PRLR: variants seen among roughly 807,000 people sequenced by gnomAD.
The protein encoded by PRLR is prolactin receptor.
Under a neutral mutation model 40.2 loss-of-function variants are expected in PRLR, and 13 were observed. The observed-to-expected ratio is 0.32, with a 90% confidence interval of 0.21 to 0.51. PRLR has a LOEUF of 0.51. PRLR is among the 20% of genes least tolerant of loss of function. The pLI, the probability that PRLR is intolerant of heterozygous loss-of-function variation, is 0.97. For synonymous variants in PRLR, 269 were observed against 278.7 expected, an observed-to-expected ratio of 0.97 and a Z score of 0.35; for missense variants, 656 against 747.3, an observed-to-expected ratio of 0.88 and a Z score of 1.42.
chr5:35,079,154 G>A (rs925345988), intron 5 of PRLR, among the ~76,000 whole-genome samples: 11 of 152,168 alleles, frequency 7.2e-5, no homozygotes, highest in Non-Finnish European at 1.2e-4. Flanking sequence ...TCACAAGACA[G>A]GGATGCCATC....
At chr5:35,120,604 G>A (rs751619361) in intron 1 of PRLR, among the ~76,000 whole-genome samples, 4 of 152,182 alleles carry the variant, frequency 2.6e-5, no homozygotes, top group Non-Finnish European at 5.9e-5. Flanking sequence ...ATAACTCACA[G>A]ATTTCATCTT....
chr5:35,089,445 G>A (rs563136854), intron 3 of PRLR, 106 bp downstream of exon 3: 2 of 793,994 alleles, frequency 2.5e-6, no homozygotes, highest in East Asian at 5.0e-5. Context: ...ACATAACACA[G>A]CATTTTCATT....
intron 1 of PRLR, among the ~76,000 whole-genome samples, chr5:35,208,596 T>C (rs1367924762): frequency 6.6e-6 from 1 of 151,892 alleles, no homozygotes; most frequent in African/African-American, 2.4e-5. Context: ...ATGAAAAAAA[T>C]GAACAAACTT....
At chr5:35,221,597 T>C (rs1466055829) in intron 1 of PRLR, among the ~76,000 whole-genome samples, 1 of 152,220 alleles carries the variant, frequency 6.6e-6, no homozygotes, top group Non-Finnish European at 1.5e-5. Flanking sequence ...TGACCAGTAG[T>C]AGCTCTTAGC....
At chr5:35,189,113 A>G (rs7720754) in intron 1 of PRLR, among the ~76,000 whole-genome samples, 136,660 of 152,152 alleles carry the variant, frequency 0.9, 62,205 homozygotes, top group African/African-American at 0.97. Context: ...AGCACCACAC[A>G]ACGATGAAAG....
chr5:35,090,382 A>G (rs141950774), intron 2 of PRLR, among the ~76,000 whole-genome samples: 3 of 152,178 alleles, frequency 2.0e-5, no homozygotes, highest in Non-Finnish European at 4.4e-5. Flanking sequence ...TATTAATACT[A>G]ATATTATTAC....
At chr5:35,203,364 C>T (rs1047768309) in intron 1 of PRLR, among the ~76,000 whole-genome samples, 2 of 152,128 alleles carry the variant, frequency 1.3e-5, no homozygotes, top group Non-Finnish European at 2.9e-5. Context: ...ATGTCTTGCT[C>T]AGCAGAACAT....
intron 1 of PRLR, among the ~76,000 whole-genome samples, chr5:35,131,866 T>A (rs1174606315): frequency 1.3e-5 from 2 of 152,172 alleles, no homozygotes; most frequent in Non-Finnish European, 2.9e-5. Context: ...ACTGCTATGA[T>A]GTCTTGTTAT....
intron 5 of PRLR, among the ~76,000 whole-genome samples, chr5:35,077,877 A>T (rs1464701756): frequency 2.0e-5 from 3 of 152,200 alleles, no homozygotes; most frequent in Non-Finnish European, 2.9e-5. Flanking sequence ...GTGCAATCAA[A>T]CTACAACTCA....
In PRLR at chr5:35,118,199, G is replaced by A. The variant is rs891249627; in HGVS notation, c.-105-77C>T. 9 of 731,574 alleles carry A rather than the reference G, an allele frequency of 1.2e-5. No homozygotes were observed. The African/African-American group carries it at 1.3e-4, about 11-fold the overall frequency. The allele number at this position is 731,574 out of a possible 1,614,324, so 45.3% of individuals were successfully genotyped here. A position where few individuals can be genotyped will look rare whatever the true frequency, so the allele number is the denominator to read the frequency against. ...CCATTTCTGGCTCACTCTGCAGTAC[G>A]TAGCATGGCTGAACATTGGCCCCTC... On this transcript the variant is annotated intron_variant, in intron 1 of 9. Coordinates refer to ENST00000618457, the MANE Select transcript of PRLR (RefSeq NM_000949.7).
rs187648300 is a variant in PRLR, at chr5:35,108,818, C to T, written c.-44+9243G>A. The stretch of plus-strand genomic sequence containing the variant: ...AAGTAATTTCTAGATTCAATGCCAT[C>T]CCCATCAAGCTACCAATGACTTTCT... On this transcript the variant is annotated intron_variant, in intron 2 of 9. Coordinates refer to ENST00000618457, the MANE Select transcript of PRLR (RefSeq NM_000949.7). 4.5e-4 allele frequency among the ~76,000 whole-genome samples: 68 copies of T among 152,282 alleles called. 1 individual carries two copies. The highest frequency in any genetic ancestry group is 2.4e-4 in the Non-Finnish European group (16 of 68,018).
chr5:35,124,909 T>C (rs1479844877), intron 1 of PRLR, among the ~76,000 whole-genome samples: 2 of 152,232 alleles, frequency 1.3e-5, no homozygotes, highest in Non-Finnish European at 1.5e-5. Flanking sequence ...GGGTAATAAC[T>C]TTAACAAGAG....
intron 6 of PRLR, among the ~76,000 whole-genome samples, chr5:35,070,841 C>CAAAAAA (rs34668616): frequency 1.0e-4 from 7 of 69,098 alleles, no homozygotes; most frequent in Admixed American, 4.9e-4. Flanking sequence ...AACTCCGTCT[C>CAAAAAA]AAAAAAAAAA....
Position 35,107,796 on chromosome 5 carries a change from G to A in PRLR, c.-44+10265C>T, listed in dbSNP as rs950186350. Among the ~76,000 whole-genome samples the A allele has an allele frequency of 2.0e-5, 3 of 152,054 alleles. No individual in the cohort carries two copies. In the South Asian group the frequency reaches 6.2e-4, roughly 31 times the overall value. ...ATTCACAGCCGAGTCTACCAGAGGT[G>A]CAAAGAAGAGCTGATACCATTCCTT... On this transcript the variant is annotated intron_variant, in intron 2 of 9. Transcript: ENST00000618457.
intron 1 of PRLR, among the ~76,000 whole-genome samples, chr5:35,211,694 A>T (rs562205554): frequency 5.1e-4 from 77 of 152,338 alleles, no homozygotes; most frequent in African/African-American, 1.6e-3. Context: ...GAAATTTTTT[A>T]AGAAATCTGT....
intron 7 of PRLR, 137 bp downstream of exon 7, chr5:35,069,987 G>T: frequency 3.0e-6 from 3 of 995,380 alleles, no homozygotes; most frequent in Non-Finnish European, 4.3e-6. Context: ...TCTTCGTATT[G>T]GGCAGAAAGA....
chr5:35,215,987 G>A (rs536323157), intron 1 of PRLR, among the ~76,000 whole-genome samples: 19 of 151,456 alleles, frequency 1.3e-4, no homozygotes, highest in Admixed American at 9.2e-4. Flanking sequence ...GCAGTGAGCC[G>A]AGATTGCGCC....
At chr5:35,175,097 A>C (rs62355516) in intron 1 of PRLR, among the ~76,000 whole-genome samples, 11,018 of 152,258 alleles carry the variant, frequency 0.072, 434 homozygotes, top group East Asian at 0.13. Context: ...GGATGGATAG[A>C]TAGATAGATA....
At chr5:35,141,518 C>T (rs1340500725) in intron 1 of PRLR, among the ~76,000 whole-genome samples, 6 of 152,080 alleles carry the variant, frequency 3.9e-5, no homozygotes, top group Admixed American at 2.0e-4. Flanking sequence ...ATCCCACAGC[C>T]GGTTACTGGC....
Sources: gnomAD v4.1 joint callset for allele counts (sites outside exome capture counted in the v4.1 genomes callset) on GRCh38, gnomAD v4.1.1 for gene constraint, MANE v1.5 for transcripts, NCBI Gene and HGNC (gene_info 2026-07-23, HGNC 2026-07-21) for gene names.